JAKMIP2: variants seen among roughly 807,000 people sequenced by gnomAD.
JAKMIP2 encodes the protein janus kinase and microtubule interacting protein 2.
A neutral mutation model predicts 115.0 loss-of-function variants in JAKMIP2; 25 were observed. The observed-to-expected ratio is 0.22, with a 90% CI of 0.16 to 0.30. JAKMIP2 has a LOEUF of 0.30. Among genes scored for constraint, JAKMIP2 ranks in the 10% least tolerant of loss-of-function variants. The pLI, the probability that JAKMIP2 is intolerant of heterozygous loss-of-function variation, is 1.00. For synonymous variants in JAKMIP2, 334 were observed against 343.6 expected, an observed-to-expected ratio of 0.97 and a Z score of 0.31; for missense variants, 642 against 957.6, an observed-to-expected ratio of 0.67 and a Z score of 4.35.
intron 7 of JAKMIP2, 97 bp from the exon 8 acceptor site, chr5:147,641,861 A>C: frequency 1.0e-6 from 1 of 982,462 alleles, no homozygotes; most frequent in Non-Finnish European, 1.6e-6. Context: ...AAGGCATTAT[A>C]TTTGGAATAG....
chr5:147,620,731 T>C lies in JAKMIP2; in HGVS notation c.2077A>G (p.Lys693Glu). 1 of 1,613,374 alleles carries C rather than the reference T, an allele frequency of 6.2e-7. No homozygotes were observed. The highest frequency in any genetic ancestry group is 8.5e-7 in the Non-Finnish European group (1 of 1,179,466). ...ELESDMEQFC[K>E]IKGYLEEELD... is the part of the protein sequence containing the mutation. ...TCTTCCTCCAGATAGCCTTTTATTT[T>C]GCAGAACTGTTCCTATAACAAAGGG... Residue 693 changes from lysine to glutamate, a missense_variant, in exon 18 of 22, where the codon AAA (lysine) becomes GAA (glutamate). By Grantham distance (56) the Lys-to-Glu change is moderately conservative. This residue lies in a region of JAKMIP2 where 68 missense variants were observed against 104.6 expected (regional missense o/e 0.65). Coordinates refer to ENST00000616793, the MANE Select transcript of JAKMIP2 (RefSeq NM_001270941.2).
chr5:147,774,535 G>A (rs1027863617), intron 1 of JAKMIP2, among the ~76,000 whole-genome samples: 5 of 152,034 alleles, frequency 3.3e-5, no homozygotes, highest in Non-Finnish European at 7.4e-5. Flanking sequence ...TTACAGAATG[G>A]TACTTATTTA....
At chr5:147,633,142 G>A (rs182994339) in intron 12 of JAKMIP2, among the ~76,000 whole-genome samples, 67 of 152,246 alleles carry the variant, frequency 4.4e-4, no homozygotes, top group African/African-American at 1.6e-3. Context: ...CTCATTTCTC[G>A]AGTTATATTT....
chr5:147,600,100 T>G (rs901687627), intron 21 of JAKMIP2, among the ~76,000 whole-genome samples: 6 of 148,496 alleles, frequency 4.0e-5, no homozygotes, highest in African/African-American at 9.9e-5. Flanking sequence ...TTTTTTTTTT[T>G]TTTTTTTTTT....
intron 1 of JAKMIP2, among the ~76,000 whole-genome samples, chr5:147,743,380 G>A (rs1754223618): frequency 6.6e-6 from 1 of 152,214 alleles, no homozygotes; most frequent in African/African-American, 2.4e-5. Context: ...GTGGGTGTTT[G>A]TGGAGGAGAA....
chr5:147,682,737 G>T (rs1222440024), intron 1 of JAKMIP2, among the ~76,000 whole-genome samples: 1 of 152,084 alleles, frequency 6.6e-6, no homozygotes, highest in Admixed American at 6.5e-5. Flanking sequence ...CTTTTATTTT[G>T]CAGGAGCCCT....
At chr5:147,753,021 C>T (rs1329173979) in intron 1 of JAKMIP2, among the ~76,000 whole-genome samples, 1 of 152,074 alleles carries the variant, frequency 6.6e-6, no homozygotes, top group East Asian at 1.9e-4. Context: ...AACCCAATGA[C>T]TTTTATCTCC....
At chr5:147,737,796 A>G (rs1280223135) in intron 1 of JAKMIP2, among the ~76,000 whole-genome samples, 3 of 152,244 alleles carry the variant, frequency 2.0e-5, no homozygotes, top group Non-Finnish European at 2.9e-5. Flanking sequence ...GAAATTTAAT[A>G]TATAGTTCAG....
intron 1 of JAKMIP2, among the ~76,000 whole-genome samples, chr5:147,707,240 T>C (rs929992841): frequency 2.0e-5 from 3 of 152,182 alleles, no homozygotes; most frequent in Non-Finnish European, 4.4e-5. Context: ...TCTGAAACCT[T>C]AGGCATGTTT....
chr5:147,607,630 A>C (rs976827328), intron 20 of JAKMIP2, among the ~76,000 whole-genome samples: 2 of 152,146 alleles, frequency 1.3e-5, no homozygotes, highest in Non-Finnish European at 2.9e-5. Context: ...CTGGCCTGAA[A>C]TTTTGTTGTT....
chr5:147,682,159 G>A (rs991729245), intron 1 of JAKMIP2, among the ~76,000 whole-genome samples: 3 of 152,194 alleles, frequency 2.0e-5, no homozygotes, highest in Non-Finnish European at 4.4e-5. Context: ...CTAGGCAGAA[G>A]GAATGCTAAG....
intron 1 of JAKMIP2, among the ~76,000 whole-genome samples, chr5:147,777,370 A>T (rs1288132562): frequency 6.6e-6 from 1 of 152,190 alleles, no homozygotes; most frequent in African/African-American, 2.4e-5. Context: ...TTCAGTAGAG[A>T]CACATTTGTT....
chr5:147,612,050 G>A (rs1561846663), intron 20 of JAKMIP2: 3 of 643,540 alleles, frequency 4.7e-6, no homozygotes, highest in Non-Finnish European at 8.8e-6. Flanking sequence ...GATAAGGAAG[G>A]GGAAACTAAG....
chr5:147,645,714 TG>T (rs1758101797), intron 5 of JAKMIP2, among the ~76,000 whole-genome samples: 1 of 152,182 alleles, frequency 6.6e-6, no homozygotes, highest in Non-Finnish European at 1.5e-5. Flanking sequence ...TTGAGCCGGA[TG>T]TTTTTTTGAT....
intron 1 of JAKMIP2, among the ~76,000 whole-genome samples, chr5:147,688,546 C>T (rs1760681039): frequency 6.6e-6 from 1 of 152,092 alleles, no homozygotes; most frequent in Non-Finnish European, 1.5e-5. Context: ...AAATAATAGT[C>T]ATTAATATTT....
At chr5:147,700,918 G>A (rs1422574031) in intron 1 of JAKMIP2, among the ~76,000 whole-genome samples, 1 of 152,146 alleles carries the variant, frequency 6.6e-6, no homozygotes, top group African/African-American at 2.4e-5. Context: ...GCAGAAAGTG[G>A]AAACTAAGGG....
intron 2 of JAKMIP2, among the ~76,000 whole-genome samples, chr5:147,669,879 G>A (rs1759492714): frequency 6.6e-6 from 1 of 152,154 alleles, no homozygotes; most frequent in Admixed American, 6.5e-5. Context: ...CAGAATTCTT[G>A]GATTGTGGCC....
At chr5:147,618,171 G>T in intron 18 of JAKMIP2, 57 bp from the exon 19 acceptor site, 1 of 984,332 alleles carries the variant, frequency 1.0e-6, no homozygotes, top group Non-Finnish European at 1.5e-6. Flanking sequence ...TATCTGGTGT[G>T]GGAGTGTATG....
intron 1 of JAKMIP2, among the ~76,000 whole-genome samples, chr5:147,739,564 A>G (rs1343513949): frequency 6.6e-6 from 1 of 152,124 alleles, no homozygotes; most frequent in African/African-American, 2.4e-5. Flanking sequence ...GCCCACAAAA[A>G]ATGTCCATAA....
Sources: allele counts gnomAD v4.1 joint callset (sites outside exome capture counted in the v4.1 genomes callset), GRCh38; gene constraint gnomAD v4.1.1; regional missense constraint gnomAD v4.1.1; transcripts MANE v1.5; gene names NCBI Gene and HGNC (gene_info 2026-07-23, HGNC 2026-07-21).